Variants in KCNQ1 observed in about 807,000 individuals in gnomAD.
KCNQ1 encodes the protein potassium voltage-gated channel subfamily KQT member 1.
In KCNQ1, 49 loss-of-function variants were observed where a neutral mutation model predicts 72.4. That is an observed-to-expected ratio of 0.68 (90% CI 0.54 to 0.86). The LOEUF (loss-of-function observed/expected upper bound fraction) is 0.86, where lower values mean the gene tolerates loss of function less well. Ranked by LOEUF, KCNQ1 falls within the 40% of genes least tolerant of loss-of-function variation. KCNQ1 has a pLI of 0.00. For missense variants in KCNQ1, 790 were observed against 945.1 expected (o/e 0.84, Z 2.15); for synonymous variants, 450 against 412.6 (o/e 1.09, Z -1.10).
chr11:2,802,757 G>A lies in KCNQ1; in HGVS notation c.1794+24720G>A, dbSNP rs183500924. ...GGCGGGGTTGTCTCCTGAAGACTGCGAGCTAGAGGGGAGAAGCCACTGCAT... is the reference window on the plus strand; with the variant it reads ...GGCGGGGTTGTCTCCTGAAGACTGCAAGCTAGAGGGGAGAAGCCACTGCAT... On this transcript the variant is annotated intron_variant, in intron 15 of 15. Coordinates refer to ENST00000155840, the MANE Select transcript of KCNQ1 (RefSeq NM_000218.3). Among the ~76,000 whole-genome samples, 552 of 152,204 alleles carry A rather than the reference G, an allele frequency of 3.6e-3. 13 individuals carry two copies. Among genetic ancestry groups the A allele is most frequent in the Admixed American group, 0.033 (505 of 15,304 alleles).
chr11:2,685,264 G>A (rs1850465982), intron 11 of KCNQ1: 7 of 398,544 alleles, frequency 1.8e-5, no homozygotes, highest in South Asian at 1.3e-4. Flanking sequence ...CAGGGCACAC[G>A]TGCCACTGTG....
Position 2,671,242 on chromosome 11 carries a change from C to T in KCNQ1, c.1514+9161C>T, listed in dbSNP as rs1223686138. The T allele has an allele frequency of 2.3e-5, 9 of 398,498 alleles. No homozygotes were observed. The highest frequency in any genetic ancestry group is 4.0e-5 in the Non-Finnish European group (9 of 226,076). 24.7% of individuals were successfully genotyped at this position (398,498 alleles called of 1,614,324 possible). On this transcript the variant is annotated intron_variant, in intron 11 of 15. Coordinates refer to ENST00000155840, the MANE Select transcript of KCNQ1 (RefSeq NM_000218.3). The surrounding 1 kb of genome is among the most constrained non-coding windows in gnomAD (Gnocchi z 4.7). Reference sequence around the variant, plus strand: ...GTAGACAGGAGTCCAGGTCTGACCTCAAAATCCGATGTCCCCACCATCCCC... The same window carrying T: ...GTAGACAGGAGTCCAGGTCTGACCTTAAAATCCGATGTCCCCACCATCCCC...
rs890610366 is a variant in KCNQ1 at position 2,494,873 on chromosome 11, T to C, written c.387-33055T>C. Among the ~76,000 whole-genome samples the C allele has an allele frequency of 6.6e-6, 1 of 152,064 alleles. No homozygotes were observed. The highest frequency in any genetic ancestry group is 1.5e-5 in the Non-Finnish European group (1 of 68,020). ...CCTCATAAAATGAGTTAGGGAGGGG[T>C]CCCTCTTTTTCTACTGTTTGGAATA... is the stretch of plus-strand genomic sequence containing the variant. On this transcript the variant is annotated intron_variant, in intron 1 of 15. Coordinates refer to ENST00000155840, the MANE Select transcript of KCNQ1 (RefSeq NM_000218.3). The surrounding 1 kb of genome is among the most constrained non-coding windows in gnomAD (Gnocchi z 4.6).
At chr11:2,778,545 C>T (rs546664047) in intron 15 of KCNQ1, among the ~76,000 whole-genome samples, 1 of 152,328 alleles carries the variant, frequency 6.6e-6, no homozygotes, top group African/African-American at 2.4e-5. Flanking sequence ...CCACCAGGCC[C>T]CCACTCCCCA....
At chr11:2,460,385 G>A (rs1218360835) in intron 1 of KCNQ1, among the ~76,000 whole-genome samples, 1 of 152,198 alleles carries the variant, frequency 6.6e-6, no homozygotes, top group Admixed American at 6.5e-5. Context: ...GGGAGGAGCA[G>A]GTGCCCAAGC....
At chr11:2,774,081 C>T (rs903666385) in intron 12 of KCNQ1, among the ~76,000 whole-genome samples, 3 of 151,816 alleles carry the variant, frequency 2.0e-5, no homozygotes, top group African/African-American at 7.3e-5. Flanking sequence ...AACTCAGTAT[C>T]TCCATCTTAT....
At chr11:2,585,912 T>C (rs550174130) in intron 8 of KCNQ1, among the ~76,000 whole-genome samples, 4 of 152,318 alleles carry the variant, frequency 2.6e-5, no homozygotes, top group African/African-American at 9.6e-5. Context: ...TGCTGGGCTC[T>C]GGCTCTGTCA....
In KCNQ1 at chr11:2,649,444, T is replaced by C. The variant is rs118145260; in HGVS notation, c.1394-12517T>C. On this transcript the variant is annotated intron_variant, in intron 10 of 15. Coordinates refer to ENST00000155840, the MANE Select transcript of KCNQ1 (RefSeq NM_000218.3). ...TCCTACTTCCAGATGTAGTACTCCCTTAAGCATTTCTTGTGGGGCTGATTT... is the reference window on the plus strand; with the variant it reads ...TCCTACTTCCAGATGTAGTACTCCCCTAAGCATTTCTTGTGGGGCTGATTT... 3.6e-3 allele frequency: 1,420 copies of C among 398,586 alleles called. 39 individuals carry two copies. In the East Asian group the frequency reaches 0.05, roughly 14 times the overall value. 24.7% of individuals were successfully genotyped at this position (398,586 alleles called of 1,614,324 possible). A position where few individuals can be genotyped will look rare whatever the true frequency, so the allele number is the denominator to read the frequency against.
rs1338804022 is a variant in KCNQ1 at position 2,678,415 on chromosome 11, A to G, written c.1514+16334A>G. 1 of 398,448 alleles carries G rather than the reference A, an allele frequency of 2.5e-6. No homozygotes were observed. Among genetic ancestry groups the G allele is most frequent in the Non-Finnish European group, 4.4e-6 (1 of 226,064 alleles). 24.7% of individuals were successfully genotyped at this position (398,448 alleles called of 1,614,324 possible). A position where few individuals can be genotyped will look rare whatever the true frequency, so the allele number is the denominator to read the frequency against. ...TATATTTGTCCAGTTGTCCAACACT[A>G]TTTATTTGAGTACATCATCATCTCT... On this transcript the variant is annotated intron_variant, in intron 11 of 15. Coordinates refer to ENST00000155840, the MANE Select transcript of KCNQ1 (RefSeq NM_000218.3). The surrounding 1 kb of genome is among the most constrained non-coding windows in gnomAD (Gnocchi z 4.9).
chr11:2,610,010 ATATTAT>A (rs906772374), intron 10 of KCNQ1: 7 of 397,806 alleles, frequency 1.8e-5, no homozygotes, highest in African/African-American at 1.4e-4. Context: ...TTCACATTTA[ATATTAT>A]TATTGATATA....
chr11:2,749,977 A>G (rs887431046), intron 11 of KCNQ1, among the ~76,000 whole-genome samples: 2 of 152,038 alleles, frequency 1.3e-5, no homozygotes, highest in Admixed American at 1.3e-4. Context: ...AAAAAAATAA[A>G]AAGTACAGGG....
At chr11:2,560,705 C>G (rs1199214458) in intron 2 of KCNQ1, among the ~76,000 whole-genome samples, 2 of 152,058 alleles carry the variant, frequency 1.3e-5, no homozygotes, top group Non-Finnish European at 2.9e-5. Context: ...CACACCTGTC[C>G]CCTGCCTGAA....
At chr11:2,812,883 C>T (rs1847522194) in intron 15 of KCNQ1, among the ~76,000 whole-genome samples, 1 of 152,236 alleles carries the variant, frequency 6.6e-6, no homozygotes, top group South Asian at 2.1e-4. Context: ...GGGGTTGTGC[C>T]ATGGCCAGCC....
rs528434341 is a variant in KCNQ1, at chr11:2,730,342, A to G, written c.1515-38502A>G. Among the ~76,000 whole-genome samples, 157 of 152,338 alleles carry G rather than the reference A, an allele frequency of 1.0e-3. 1 individual carries two copies. In the South Asian group the frequency reaches 0.03, roughly 29 times the overall value. On this transcript the variant is annotated intron_variant, in intron 11 of 15. Coordinates refer to ENST00000155840, the MANE Select transcript of KCNQ1 (RefSeq NM_000218.3). Reference sequence around the variant, plus strand: ...GCTTTAAGTGACACGTTTATTATCTAACAGCTCTGGAGGTCAGATGTCCGA... The same window carrying G: ...GCTTTAAGTGACACGTTTATTATCTGACAGCTCTGGAGGTCAGATGTCCGA...
In KCNQ1 at chr11:2,558,825, C is replaced by T. The variant is rs570164683; in HGVS notation, c.478-11803C>T. On this transcript the variant is annotated intron_variant, in intron 2 of 15. Coordinates refer to ENST00000155840, the MANE Select transcript of KCNQ1 (RefSeq NM_000218.3). ...CAGCCTTCATGGGGAGGCCAAGGCC[C>T]GGAAGCCGGCAGTCCTGGGAAAGAT... Among the ~76,000 whole-genome samples the T allele has an allele frequency of 2.9e-4, 44 of 152,264 alleles. No individual in the cohort carries two copies. The South Asian group carries it at 8.1e-3, about 28-fold the overall frequency.
intron 10 of KCNQ1, chr11:2,614,437 C>CT (rs1440133353): frequency 2.5e-6 from 1 of 398,210 alleles, no homozygotes; most frequent in Non-Finnish European, 4.4e-6. Context: ...TTTTTTGTGT[C>CT]TTTTCTAAGA....
Position 2,505,055 on chromosome 11 carries a change from A to AT in KCNQ1, c.387-22859dup, listed in dbSNP as rs113518709. ...TAAGTATTTTCTAATTTCCCTTCTGATTTTTTTTTTTTTTAATTTAAGTCC... is the reference window on the plus strand; with the variant it reads ...TAAGTATTTTCTAATTTCCCTTCTGATTTTTTTTTTTTTTTAATTTAAGTCC... On this transcript the variant is annotated intron_variant, in intron 1 of 15. Coordinates refer to ENST00000155840, the MANE Select transcript of KCNQ1 (RefSeq NM_000218.3). Among the ~76,000 whole-genome samples the AT allele has an allele frequency of 6.5e-3, 936 of 143,090 alleles. 9 individuals carry two copies. Among genetic ancestry groups the AT allele is most frequent in the South Asian group, 0.026 (115 of 4,466 alleles). The allele number at this position is 143,090 out of a possible 152,430, so 93.9% of individuals were successfully genotyped here. A position where few individuals can be genotyped will look rare whatever the true frequency, so the allele number is the denominator to read the frequency against.
At chr11:2,589,114 C>T (rs1028573961) in intron 10 of KCNQ1, among the ~76,000 whole-genome samples, 7 of 152,172 alleles carry the variant, frequency 4.6e-5, no homozygotes, top group Admixed American at 1.3e-4. Context: ...CGGCTCCATC[C>T]GGCTGTACTG....
chr11:2,548,667 A>G (rs1847934083), intron 2 of KCNQ1, among the ~76,000 whole-genome samples: 1 of 152,228 alleles, frequency 6.6e-6, no homozygotes, highest in South Asian at 2.1e-4. Context: ...TGTTGGATAC[A>G]GTGACCCACT....
Sources: gnomAD v4.1 joint callset for allele counts (sites outside exome capture counted in the v4.1 genomes callset) on GRCh38, gnomAD v4.1.1 for gene constraint, Gnocchi (gnomAD v3.1) non-coding constraint, MANE v1.5 for transcripts, NCBI Gene and HGNC (gene_info 2026-07-23, HGNC 2026-07-21) for gene names.